TUBGCP4: variants seen among roughly 807,000 people sequenced by gnomAD.
TUBGCP4 encodes the protein tubulin gamma complex component 4, also known as gamma-tubulin complex component 4.
TUBGCP4 carries 54 observed loss-of-function variants against 91.6 expected under a neutral mutation model. That is an observed-to-expected ratio of 0.59 (90% CI 0.47 to 0.74). The LOEUF (loss-of-function observed/expected upper bound fraction) is 0.74. Ranked by LOEUF, TUBGCP4 falls within the 30% of genes least tolerant of loss-of-function variation. TUBGCP4 has a pLI of 0.00. For synonymous variants in TUBGCP4, 297 were observed against 302.8 expected (o/e 0.98, Z 0.20); for missense variants, 593 against 800.9 (o/e 0.74, Z 3.13).
chr15:43,408,856 C>T lies in TUBGCP4; in HGVS notation c.*3642C>T. On this transcript the variant is annotated 3_prime_UTR_variant, in exon 18 of 18. Transcript: ENST00000564079. The stretch of plus-strand genomic sequence containing the variant: ...TTCTCTTCCCTCCAAAGCTTGCTGT[C>T]CTCCTGCCTATACAATTCTGGATGG... The T allele has an allele frequency of 6.3e-7, 1 of 1,594,514 alleles. No homozygotes were observed.
In TUBGCP4 at chr15:43,393,503, T is replaced by A. The variant is rs186668540; in HGVS notation, c.1015-1604T>A. Among the ~76,000 whole-genome samples the A allele has an allele frequency of 9.9e-3, 1,502 of 152,164 alleles. 28 individuals are homozygous for A. Among genetic ancestry groups the A allele is most frequent in the African/African-American group, 0.034 (1,420 of 41,518 alleles). On this transcript the variant is annotated intron_variant, in intron 9 of 17. Transcript: ENST00000564079. Reference sequence around the variant, plus strand: ...GGTACATGTGCACAATGTGCAGGTTTGTTACATATGTATACATGTGCCATG... The same window carrying A: ...GGTACATGTGCACAATGTGCAGGTTAGTTACATATGTATACATGTGCCATG...
chr15:43,400,310 T>C, intron 14 of TUBGCP4, 89 bp downstream of exon 14: 1 of 1,067,770 alleles, frequency 9.4e-7, no homozygotes, highest in Non-Finnish European at 1.3e-6. Flanking sequence ...TACAAGTTTC[T>C]ATTTGATAAA....
chr15:43,388,766 A>T (rs532075458), intron 9 of TUBGCP4, among the ~76,000 whole-genome samples: 53 of 152,332 alleles, frequency 3.5e-4, no homozygotes, highest in Non-Finnish European at 7.3e-4. Context: ...GTTTCTTAGA[A>T]TTGTAGTTAA....
At chr15:43,393,744 G>A (rs956229764) in intron 9 of TUBGCP4, among the ~76,000 whole-genome samples, 22 of 152,050 alleles carry the variant, frequency 1.4e-4, no homozygotes, top group African/African-American at 3.1e-4. Flanking sequence ...ATGGTTTCCA[G>A]TTTCATCCAT....
rs1161359319 is a variant in TUBGCP4, at chr15:43,377,085, C to T, written c.384+18C>T. On this transcript the variant is annotated intron_variant, in intron 4 of 17. Transcript: ENST00000564079. ...TAGACCAGGTATGCTGCCCAAATAA[C>T]CAAATGCCTTGCAATCTGTTGATAG... 1 of 1,599,748 alleles carries T rather than the reference C, an allele frequency of 6.3e-7. No individual in the cohort carries two copies. The highest frequency in any genetic ancestry group is 8.6e-7 in the Non-Finnish European group (1 of 1,166,890).
rs962040485 is a variant in TUBGCP4 at position 43,401,850 on chromosome 15, TGTAA to T, written c.1731+6_1731+9del. On this transcript the variant is annotated splice_donor_variant and splice_donor_region_variant and intron_variant, in intron 15 of 17. Coordinates refer to ENST00000564079, the MANE Select transcript of TUBGCP4 (RefSeq NM_014444.5). LOFTEE classifies it high-confidence loss of function. ...CTCAATCCTTTATCCTATTGAAACC[TGTAA>T]GTAAGGCTCATTGGTTTCCTCAGAC... 3 of 1,614,054 alleles carry T rather than the reference TGTAA, an allele frequency of 1.9e-6. No homozygotes were observed. Among genetic ancestry groups the T allele is most frequent in the South Asian group, 1.1e-5 (1 of 91,074 alleles).
rs188775161 is a variant in TUBGCP4 at position 43,399,951 on chromosome 15, G to T, written c.1419-93G>T. 49 of 845,758 alleles carry T rather than the reference G, an allele frequency of 5.8e-5. No individual in the cohort carries two copies. In the African/African-American group the frequency reaches 7.8e-4, roughly 13 times the overall value. 52.4% of individuals were successfully genotyped at this position (845,758 alleles called of 1,614,324 possible). A position where few individuals can be genotyped will look rare whatever the true frequency, so the allele number is the denominator to read the frequency against. ...CTTTCCTTACTGCCTGTTTGTGAGA[G>T]GAGTGGGTGGCACAAAGTCCTAGAG... On this transcript the variant is annotated intron_variant, in intron 13 of 17. Coordinates refer to ENST00000564079, the MANE Select transcript of TUBGCP4 (RefSeq NM_014444.5).
rs545123719 is a variant in TUBGCP4, at chr15:43,400,435, T to G, written c.1596+214T>G. Among the ~76,000 whole-genome samples, 61 of 152,288 alleles carry G rather than the reference T, an allele frequency of 4.0e-4. No homozygotes were observed. The South Asian group carries it at 0.012, about 29-fold the overall frequency. On this transcript the variant is annotated intron_variant, in intron 14 of 17. Coordinates refer to ENST00000564079, the MANE Select transcript of TUBGCP4 (RefSeq NM_014444.5). Reference sequence around the variant, plus strand: ...TTTTTAGAGACAGGGTCTTTCTCTGTTTCCCAGGCTGGAATGCAGTGGTAC... The same window carrying G: ...TTTTTAGAGACAGGGTCTTTCTCTGGTTCCCAGGCTGGAATGCAGTGGTAC...
chr15:43,392,533 C>G (rs2044493403), intron 9 of TUBGCP4, among the ~76,000 whole-genome samples: 1 of 152,124 alleles, frequency 6.6e-6, no homozygotes, highest in African/African-American at 2.4e-5. Context: ...GAGTTTTGCT[C>G]TGTCACCCAG....
At chr15:43,372,948 A>G (rs1595473891) in intron 1 of TUBGCP4, among the ~76,000 whole-genome samples, 1 of 152,356 alleles carries the variant, frequency 6.6e-6, no homozygotes, top group South Asian at 2.1e-4. Context: ...CAGAGCACCT[A>G]GCACAGTTTC....
intron 12 of TUBGCP4, 69 bp from the exon 13 acceptor site, chr15:43,397,972 G>A (rs1381452290): frequency 4.0e-6 from 6 of 1,499,728 alleles, no homozygotes; most frequent in Non-Finnish European, 5.4e-6. Context: ...TTATTCACTT[G>A]TTGAGTCTCT....
intron 1 of TUBGCP4, 121 bp downstream of exon 1, chr15:43,371,553 T>A: frequency 2.1e-6 from 2 of 973,948 alleles, no homozygotes; most frequent in Non-Finnish European, 3.2e-6. Flanking sequence ...GGCGTATCCC[T>A]GGACAGGTGA....
chr15:43,399,983 G>C (rs899693532), intron 13 of TUBGCP4, 61 bp from the exon 14 acceptor site: 11 of 1,412,314 alleles, frequency 7.8e-6, no homozygotes, highest in Middle Eastern at 3.5e-4. Context: ...AGAGTCTGTC[G>C]TGTGGGGGAA....
Position 43,408,205 on chromosome 15 carries a change from T to TA in TUBGCP4, c.*2992dup, listed in dbSNP as rs2044983496. 9.3e-7 allele frequency: 1 copy of TA among 1,072,458 alleles called. No homozygotes were observed. Among genetic ancestry groups the TA allele is most frequent in the Admixed American group, 2.4e-5 (1 of 41,132 alleles). 66.4% of individuals were successfully genotyped at this position (1,072,458 alleles called of 1,614,324 possible). A position where few individuals can be genotyped will look rare whatever the true frequency, so the allele number is the denominator to read the frequency against. ...TCAAAAATAAATGCCCCATCAGACATAGTGTCTCAAGCCTGTAATCCCAGC... is the reference window on the plus strand; with the variant it reads ...TCAAAAATAAATGCCCCATCAGACATAAGTGTCTCAAGCCTGTAATCCCAGC... On this transcript the variant is annotated 3_prime_UTR_variant, in exon 18 of 18. Transcript: ENST00000564079.
chr15:43,408,411 G>A lies in TUBGCP4; in HGVS notation c.*3197G>A, dbSNP rs1485683955. On this transcript the variant is annotated 3_prime_UTR_variant, in exon 18 of 18. Transcript: ENST00000564079. ...TAGGGGGATCACTTCAGCCTGGGAG[G>A]TTGAGGCTGCAGTAAGTCGTCACTG... is the stretch of plus-strand genomic sequence containing the variant. 1 of 287,728 alleles carries A rather than the reference G, an allele frequency of 3.5e-6. No homozygotes were observed. The highest frequency in any genetic ancestry group is 4.8e-5 in the Admixed American group (1 of 20,746). The allele number at this position is 287,728 out of a possible 1,614,324, so 17.8% of individuals were successfully genotyped here. A position where few individuals can be genotyped will look rare whatever the true frequency, so the allele number is the denominator to read the frequency against.
Position 43,407,902 on chromosome 15 carries a change from G to A in TUBGCP4, c.*2688G>A. ...GGCCTAACACCTACAGGTCTAAGGA[G>A]ATCCCTGGAACAAAGACACTACACA... is the stretch of plus-strand genomic sequence containing the variant. On this transcript the variant is annotated 3_prime_UTR_variant, in exon 18 of 18. Transcript: ENST00000564079. 1 of 1,587,134 alleles carries A rather than the reference G, an allele frequency of 6.3e-7. No homozygotes were observed. The highest frequency in any genetic ancestry group is 1.7e-4 in the Middle Eastern group (1 of 5,964).
rs201999184 is a variant in TUBGCP4, at chr15:43,386,344, CGTATAT to C, written c.1014+15_1014+20del. ...ACTGTGGCTGAGGTTTGTGTTTCAT[CGTATAT>C]ATATATATATATATATATATATATA... On this transcript the variant is annotated intron_variant, in intron 9 of 17. Transcript: ENST00000564079. The C allele has an allele frequency of 0.013, 3,274 of 245,428 alleles. 685 individuals are homozygous for C. The highest frequency in any genetic ancestry group is 0.047 in the African/African-American group (369 of 7,926). 15.2% of individuals were successfully genotyped at this position (245,428 alleles called of 1,614,324 possible).
intron 11 of TUBGCP4, among the ~76,000 whole-genome samples, chr15:43,396,396 G>A (rs982297468): frequency 1.3e-5 from 2 of 152,188 alleles, no homozygotes; most frequent in African/African-American, 2.4e-5. Context: ...TTGACCCACT[G>A]ATGTCCATTC....
intron 2 of TUBGCP4, 103 bp from the exon 3 acceptor site, chr15:43,376,400 A>G: frequency 6.2e-7 from 1 of 1,609,158 alleles, no homozygotes; most frequent in South Asian, 1.1e-5. Context: ...AAGGCCTCTA[A>G]TTGGTTTGTT....
Sources: gnomAD v4.1 joint callset for allele counts (sites outside exome capture counted in the v4.1 genomes callset) on GRCh38, gnomAD v4.1.1 for gene constraint, MANE v1.5 for transcripts, NCBI Gene and HGNC (gene_info 2026-07-23, HGNC 2026-07-21) for gene names.